Variants in THSD4 observed in about 807,000 individuals in gnomAD.
The protein encoded by THSD4 is thrombospondin type-1 domain-containing protein 4.
THSD4 carries 69 observed loss-of-function variants against 119.0 expected under a neutral mutation model. The observed-to-expected ratio is 0.58, with a 90% CI of 0.48 to 0.71. The LOEUF is 0.71. Ranked by LOEUF, THSD4 falls within the 30% of genes least tolerant of loss-of-function variation. The probability of loss-of-function intolerance (pLI) is 0.00; values close to 1 mark genes in which losing one functional copy is unlikely to be tolerated. For synonymous variants in THSD4, 524 were observed against 540.4 expected (o/e 0.97, Z 0.42); for missense variants, 1,393 against 1,391.1 (o/e 1.00, Z -0.02).
chr15:71,622,028 G>T (rs1567066991), intron 7 of THSD4, among the ~76,000 whole-genome samples: 1 of 152,202 alleles, frequency 6.6e-6, no homozygotes, highest in Non-Finnish European at 1.5e-5. Context: ...CAGGAATGAG[G>T]CCCAGAGGTG....
intron 7 of THSD4, among the ~76,000 whole-genome samples, chr15:71,561,122 C>T (rs1368189339): frequency 6.6e-6 from 1 of 151,916 alleles, no homozygotes; most frequent in Non-Finnish European, 1.5e-5. Context: ...CTACAGGCGC[C>T]TGCCACCACA....
chr15:71,293,526 T>C (rs1324587514), intron 6 of THSD4, among the ~76,000 whole-genome samples: 1 of 152,074 alleles, frequency 6.6e-6, no homozygotes, highest in Non-Finnish European at 1.5e-5. Context: ...GTAGCTCAGT[T>C]TTCCATCATG....
At chr15:71,319,722 T>C (rs2045242266) in intron 6 of THSD4, among the ~76,000 whole-genome samples, 1 of 152,136 alleles carries the variant, frequency 6.6e-6, no homozygotes, top group Non-Finnish European at 1.5e-5. Flanking sequence ...TGTGCATGTG[T>C]CTTTATAGCA....
intron 7 of THSD4, among the ~76,000 whole-genome samples, chr15:71,579,170 G>A (rs1420981639): frequency 1.3e-5 from 2 of 152,200 alleles, no homozygotes; most frequent in African/African-American, 4.8e-5. Context: ...TATGTTTTCA[G>A]TTTAAGATAA....
chr15:71,273,729 G>A (rs35969324), intron 6 of THSD4, among the ~76,000 whole-genome samples: 58,899 of 152,038 alleles, frequency 0.39, 12,844 homozygotes, highest in Middle Eastern at 0.63. Context: ...TTTGCTGGGC[G>A]TAGGAATCCT....
chr15:71,480,346 T>G (rs2047711716), intron 7 of THSD4, among the ~76,000 whole-genome samples: 1 of 152,232 alleles, frequency 6.6e-6, no homozygotes. Context: ...CCACTTTTTT[T>G]GTTAATGTTT....
rs180801661 is a variant in THSD4, at chr15:71,168,156, T to C, written c.99+13224T>C. On this transcript the variant is annotated intron_variant, in intron 3 of 17. Transcript: ENST00000261862. ...TTTTAAAACTTTCTGTGGCTTCATTTGTGGATAAAGTGAAACCAAGAGTAG... is the reference window on the plus strand; with the variant it reads ...TTTTAAAACTTTCTGTGGCTTCATTCGTGGATAAAGTGAAACCAAGAGTAG... 3.3e-5 allele frequency among the ~76,000 whole-genome samples: 5 copies of C among 152,378 alleles called. No homozygotes were observed. In the East Asian group the frequency reaches 9.6e-4, roughly 29 times the overall value.
chr15:71,371,639 A>G (rs994916258), intron 6 of THSD4, among the ~76,000 whole-genome samples: 1 of 152,202 alleles, frequency 6.6e-6, no homozygotes. Flanking sequence ...AGTTTCTGCC[A>G]AGAGATCCAC....
intron 7 of THSD4, among the ~76,000 whole-genome samples, chr15:71,509,889 T>G (rs1316471124): frequency 6.6e-6 from 1 of 152,188 alleles, no homozygotes; most frequent in Non-Finnish European, 1.5e-5. Context: ...TAAATCTGGT[T>G]GTTGTAGTGT....
chr15:71,552,741 G>A (rs1278085749), intron 7 of THSD4, among the ~76,000 whole-genome samples: 1 of 152,174 alleles, frequency 6.6e-6, no homozygotes, highest in Non-Finnish European at 1.5e-5. Flanking sequence ...CTGCCTCCCA[G>A]GTTCAAGAGA....
At chr15:71,579,714 A>G (rs1407123373) in intron 7 of THSD4, among the ~76,000 whole-genome samples, 1 of 152,210 alleles carries the variant, frequency 6.6e-6, no homozygotes, top group Non-Finnish European at 1.5e-5. Context: ...TCCCATTTAT[A>G]GCTTTCAAAA....
chr15:71,122,935 C>G (rs1280965904), intron 1 of THSD4, among the ~76,000 whole-genome samples: 4 of 152,206 alleles, frequency 2.6e-5, no homozygotes, highest in Admixed American at 2.6e-4. Context: ...GTCCGTGCTG[C>G]TCATGGGGTC....
intron 6 of THSD4, among the ~76,000 whole-genome samples, chr15:71,355,785 G>A (rs2045802102): frequency 6.6e-6 from 1 of 152,088 alleles, no homozygotes; most frequent in Non-Finnish European, 1.5e-5. Flanking sequence ...CCAGGGTCAG[G>A]GATGAAGTTT....
intron 8 of THSD4, among the ~76,000 whole-genome samples, chr15:71,685,964 A>T (rs1366697031): frequency 6.6e-6 from 1 of 152,260 alleles, no homozygotes; most frequent in East Asian, 1.9e-4. Flanking sequence ...ATTTTTTTAA[A>T]CTTTTTATTT....
chr15:71,337,184 G>A (rs920238845), intron 6 of THSD4, among the ~76,000 whole-genome samples: 1 of 152,214 alleles, frequency 6.6e-6, no homozygotes, highest in African/African-American at 2.4e-5. Context: ...AAAACATGAA[G>A]TGGTCATTTT....
In THSD4 at chr15:71,558,144, A is replaced by G. The variant is rs376579843; in HGVS notation, c.1153-102386A>G. Among the ~76,000 whole-genome samples the G allele has an allele frequency of 1.7e-3, 253 of 152,280 alleles. 15 individuals carry two copies. In the South Asian group the frequency reaches 0.052, roughly 31 times the overall value. ...GGAGTTCAAGACCAGACTGGCCAAC[A>G]TGGTAAAACCCCATCTCTACTAAAA... is the stretch of plus-strand genomic sequence containing the variant. On this transcript the variant is annotated intron_variant, in intron 7 of 17. Transcript: ENST00000261862.
rs139389492 is a variant in THSD4, at chr15:71,210,628, A to G, written c.100-4407A>G. Among the ~76,000 whole-genome samples, 47 of 152,314 alleles carry G rather than the reference A, an allele frequency of 3.1e-4. 1 individual carries two copies. Among genetic ancestry groups the G allele is most frequent in the African/African-American group, 1.1e-3 (45 of 41,572 alleles). On this transcript the variant is annotated intron_variant, in intron 3 of 17. Coordinates refer to ENST00000261862, the MANE Select transcript of THSD4 (RefSeq NM_024817.3). ...GAAAGTATTAATCATATGAAATTGT[A>G]TTTTTATAGATCAAAGATGGTCAAA...
chr15:71,232,053 G>A (rs554339434), intron 4 of THSD4, among the ~76,000 whole-genome samples: 1 of 152,230 alleles, frequency 6.6e-6, no homozygotes, highest in South Asian at 2.1e-4. Context: ...CTTCCTCCCA[G>A]CTTGCCTTGG....
At chr15:71,637,415 C>T (rs1036057444) in intron 7 of THSD4, among the ~76,000 whole-genome samples, 1 of 152,060 alleles carries the variant, frequency 6.6e-6, no homozygotes, top group African/African-American at 2.4e-5. Context: ...AAAAGGGAAA[C>T]ATGGGGAGCC....
Sources: gnomAD v4.1 joint callset for allele counts (sites outside exome capture counted in the v4.1 genomes callset) on GRCh38, gnomAD v4.1.1 for gene constraint, MANE v1.5 for transcripts, NCBI Gene and HGNC (gene_info 2026-07-23, HGNC 2026-07-21) for gene names.